RNF13: variants seen among roughly 807,000 people sequenced by gnomAD.
RNF13 encodes the protein E3 ubiquitin-protein ligase RNF13.
In RNF13, 19 loss-of-function variants were observed where a neutral mutation model predicts 37.7. The observed-to-expected ratio is 0.50, with a 90% CI of 0.35 to 0.74. The LOEUF is 0.74. Ranked by LOEUF, RNF13 falls within the 30% of genes least tolerant of loss-of-function variation. The probability of loss-of-function intolerance (pLI) is 0.01; values close to 1 mark genes in which losing one functional copy is unlikely to be tolerated. For synonymous variants in RNF13, 144 were observed against 157.8 expected, an observed-to-expected ratio of 0.91 and a Z score of 0.65; for missense variants, 375 against 453.0, an observed-to-expected ratio of 0.83 and a Z score of 1.56.
intron 8 of RNF13, among the ~76,000 whole-genome samples, chr3:149,956,377 T>A (rs188315213): frequency 2.6e-5 from 4 of 152,324 alleles, no homozygotes; most frequent in Admixed American, 2.6e-4. Context: ...ACAGATGGTA[T>A]GAAGGCTCTA....
chr3:149,815,942 G>A (rs1267101520), intron 1 of RNF13, among the ~76,000 whole-genome samples: 1 of 151,814 alleles, frequency 6.6e-6, no homozygotes, highest in Non-Finnish European at 1.5e-5. Context: ...TTGCTCTGTT[G>A]CCCAGGCTGG....
intron 7 of RNF13, among the ~76,000 whole-genome samples, chr3:149,916,442 A>T (rs766950318): frequency 6.6e-6 from 1 of 152,190 alleles, no homozygotes; most frequent in African/African-American, 2.4e-5. Flanking sequence ...TTCTGTACCT[A>T]TGGTGAACTA....
intron 1 of RNF13, among the ~76,000 whole-genome samples, chr3:149,816,799 A>G (rs1007269341): frequency 1.3e-5 from 2 of 152,244 alleles, no homozygotes; most frequent in Non-Finnish European, 2.9e-5. Context: ...AACAGGTCCA[A>G]TGGAAGAGTG....
chr3:149,841,187 T>G (rs571441261), intron 1 of RNF13, among the ~76,000 whole-genome samples: 1 of 152,354 alleles, frequency 6.6e-6, no homozygotes, highest in Admixed American at 6.5e-5. Flanking sequence ...GCTGACAGCC[T>G]GCATTTATTT....
intron 4 of RNF13, among the ~76,000 whole-genome samples, chr3:149,888,930 A>G (rs1700966600): frequency 6.6e-6 from 1 of 152,340 alleles, no homozygotes; most frequent in South Asian, 2.1e-4. Flanking sequence ...GTTTTAAACA[A>G]CAAGGTAGCC....
chr3:149,923,486 G>T (rs888809324), intron 8 of RNF13, among the ~76,000 whole-genome samples: 18 of 152,024 alleles, frequency 1.2e-4, no homozygotes, highest in African/African-American at 4.3e-4. Flanking sequence ...GTTTAAAATG[G>T]CCAGGCACGG....
At chr3:149,849,921 A>C (rs1272515796) in intron 2 of RNF13, among the ~76,000 whole-genome samples, 1 of 152,194 alleles carries the variant, frequency 6.6e-6, no homozygotes, top group African/African-American at 2.4e-5. Context: ...AGTGGAGTCA[A>C]ACTTATGTGG....
At chr3:149,906,096 T>G (rs1200274648) in intron 6 of RNF13, among the ~76,000 whole-genome samples, 1 of 152,198 alleles carries the variant, frequency 6.6e-6, no homozygotes, top group Non-Finnish European at 1.5e-5. Context: ...ATATAATATT[T>G]TATGATTTTT....
intron 1 of RNF13, among the ~76,000 whole-genome samples, chr3:149,828,190 T>G (rs1720693239): frequency 6.6e-6 from 1 of 152,186 alleles, no homozygotes; most frequent in South Asian, 2.1e-4. Flanking sequence ...ACATAGAAAT[T>G]GAATCCCCTA....
rs144457942 is a variant in RNF13, at chr3:149,836,181, T to C, written c.-16-9830T>C. Reference sequence around the variant, plus strand: ...TCTTATTTTGTTTGTTGGCTATTTGTGTATCTTCTTTTGAGAATTGCCTAT... The same window carrying C: ...TCTTATTTTGTTTGTTGGCTATTTGCGTATCTTCTTTTGAGAATTGCCTAT... On this transcript the variant is annotated intron_variant, in intron 1 of 9. Transcript: ENST00000392894. 2.5e-3 allele frequency among the ~76,000 whole-genome samples: 384 copies of C among 152,314 alleles called. 4 individuals carry two copies. Among genetic ancestry groups the C allele is most frequent in the African/African-American group, 7.8e-3 (325 of 41,570 alleles).
At chr3:149,953,396 A>G (rs752004113) in intron 8 of RNF13, among the ~76,000 whole-genome samples, 6 of 152,218 alleles carry the variant, frequency 3.9e-5, no homozygotes, top group Non-Finnish European at 8.8e-5. Context: ...GTTGCAGAAT[A>G]TTATCTGCTA....
At chr3:149,832,289 G>A (rs928704780) in intron 1 of RNF13, among the ~76,000 whole-genome samples, 1 of 152,194 alleles carries the variant, frequency 6.6e-6, no homozygotes, top group African/African-American at 2.4e-5. Flanking sequence ...GGAGATGGCT[G>A]GCTGTTTCAT....
chr3:149,833,116 C>CTTTTTT (rs1721230128), intron 1 of RNF13, among the ~76,000 whole-genome samples: 3 of 75,662 alleles, frequency 4.0e-5, no homozygotes, highest in African/African-American at 1.6e-4. Context: ...CTCTCTCTCT[C>CTTTTTT]TCTTTTTTTT....
intron 2 of RNF13, among the ~76,000 whole-genome samples, chr3:149,846,497 G>T (rs920533136): frequency 3.3e-5 from 5 of 152,090 alleles, no homozygotes; most frequent in Non-Finnish European, 5.9e-5. Flanking sequence ...TAGAGACAGG[G>T]TTTCACCATG....
At chr3:149,813,059 T>C (rs1719059431), upstream of RNF13, 1 of 152,272 alleles carries the variant, frequency 6.6e-6, no homozygotes, top group South Asian at 2.1e-4. Flanking sequence ...AGAACGAGAC[T>C]CGCAAACTGG....
intron 4 of RNF13, 21 bp from the exon 5 acceptor site, chr3:149,895,452 T>C: frequency 6.9e-7 from 1 of 1,442,952 alleles, no homozygotes; most frequent in Non-Finnish European, 9.5e-7. Context: ...ATAATTTTTT[T>C]TTTTTTTTTT....
chr3:149,902,188 G>T (rs1158676190), intron 6 of RNF13, 26 bp downstream of exon 6: 9 of 1,128,198 alleles, frequency 8.0e-6, no homozygotes, highest in Non-Finnish European at 1.1e-5. Flanking sequence ...AAAAAATCAT[G>T]TTGCTTAAAA....
chr3:149,897,007 G>A (rs1715339053), intron 5 of RNF13, among the ~76,000 whole-genome samples: 2 of 152,114 alleles, frequency 1.3e-5, no homozygotes, highest in South Asian at 4.1e-4. Context: ...ACTTAAGTGA[G>A]TTTACTTATC....
chr3:149,928,256 G>A (rs893893838), intron 8 of RNF13, among the ~76,000 whole-genome samples: 2 of 151,584 alleles, frequency 1.3e-5, no homozygotes, highest in Non-Finnish European at 2.9e-5. Context: ...TCAAATCTAA[G>A]GTCATAAAGA....
Sources: allele counts gnomAD v4.1 joint callset (sites outside exome capture counted in the v4.1 genomes callset), GRCh38; gene constraint gnomAD v4.1.1; transcripts MANE v1.5; gene names NCBI Gene and HGNC (gene_info 2026-07-23, HGNC 2026-07-21).